Variants in SRD5A2 observed in about 807,000 individuals in gnomAD.
SRD5A2 encodes the protein 3-oxo-5-alpha-steroid 4-dehydrogenase 2.
SRD5A2 carries 30 observed loss-of-function variants against 27.4 expected under a neutral mutation model. The observed-to-expected ratio is 1.10, with a 90% CI of 0.82 to 1.49. The LOEUF is 1.49. Among genes scored for constraint, SRD5A2 ranks in the 40% most tolerant of loss-of-function variants. SRD5A2 has a pLI of 0.00. For missense variants in SRD5A2, 348 were observed against 323.4 expected, an observed-to-expected ratio of 1.08 and a Z score of -0.58; for synonymous variants, 141 against 133.6, an observed-to-expected ratio of 1.06 and a Z score of -0.38.
chr2:31,618,447 G>T, the SRD5A2 span, among the ~76,000 whole-genome samples: 1 of 151,730 alleles, frequency 6.6e-6, no homozygotes, highest in East Asian at 1.9e-4. Flanking sequence ...ACACATGAAC[G>T]GACAAAGAAA....
At chr2:31,590,243 G>A in the SRD5A2 span, among the ~76,000 whole-genome samples, 5 of 141,454 alleles carry the variant, frequency 3.5e-5, no homozygotes, top group Non-Finnish European at 7.5e-5. Flanking sequence ...CTATGGCCCC[G>A]CTCATCACCT....
the SRD5A2 span, among the ~76,000 whole-genome samples, chr2:31,614,316 G>A: frequency 6.6e-5 from 10 of 152,148 alleles, no homozygotes; most frequent in South Asian, 8.3e-4. Context: ...ATATGAGTCC[G>A]AAGTCCAGTG....
chr2:31,634,118 A>G, the SRD5A2 span, among the ~76,000 whole-genome samples: 3 of 151,556 alleles, frequency 2.0e-5, no homozygotes, highest in African/African-American at 4.9e-5. Context: ...CTCCCATTTT[A>G]TGGGAGCTCT....
intron 4 of SRD5A2, chr2:31,526,896 C>T (rs1260150003): frequency 6.6e-6 from 1 of 151,892 alleles, no homozygotes; most frequent in Non-Finnish European, 1.5e-5. Context: ...ATAACTGTGT[C>T]CTAAAAAGAA....
chr2:31,598,049 C>A, the SRD5A2 span, among the ~76,000 whole-genome samples: 3 of 152,050 alleles, frequency 2.0e-5, no homozygotes, highest in African/African-American at 7.2e-5. Flanking sequence ...TGAAACCAAC[C>A]TAAATGCCCA....
At chr2:31,552,555 A>G (rs1168286320) in intron 1 of SRD5A2, among the ~76,000 whole-genome samples, 1 of 152,146 alleles carries the variant, frequency 6.6e-6, no homozygotes, top group Non-Finnish European at 1.5e-5. Flanking sequence ...GAAATTGCAG[A>G]ACCTAGGCAT....
intron 3 of SRD5A2, 36 bp downstream of exon 3, chr2:31,531,335 G>T: frequency 6.9e-7 from 1 of 1,455,656 alleles, no homozygotes; most frequent in Non-Finnish European, 9.4e-7. Context: ...CAGGCTCCAG[G>T]GAAGAGTGAG....
At chr2:31,609,774 A>T in the SRD5A2 span, among the ~76,000 whole-genome samples, 1 of 152,144 alleles carries the variant, frequency 6.6e-6, no homozygotes, top group Non-Finnish European at 1.5e-5. Flanking sequence ...AAACACTACC[A>T]TCAGGAAAGT....
the SRD5A2 span, among the ~76,000 whole-genome samples, chr2:31,589,442 C>G: frequency 1.3e-4 from 20 of 152,266 alleles, no homozygotes; most frequent in Admixed American, 7.8e-4. Context: ...CTCCCAGGTC[C>G]TCCTTCTCCC....
At chr2:31,613,977 G>T in the SRD5A2 span, among the ~76,000 whole-genome samples, 1 of 151,520 alleles carries the variant, frequency 6.6e-6, no homozygotes, top group Non-Finnish European at 1.5e-5. Context: ...TGACATGTGG[G>T]GATGATTACA....
At chr2:31,574,217 G>C (rs1037412666) in intron 1 of SRD5A2, among the ~76,000 whole-genome samples, 2 of 152,136 alleles carry the variant, frequency 1.3e-5, no homozygotes, top group Admixed American at 6.5e-5. Flanking sequence ...ACACAATGAA[G>C]GTTCTTTCCT....
the SRD5A2 span, among the ~76,000 whole-genome samples, chr2:31,614,833 A>G: frequency 6.6e-6 from 1 of 151,950 alleles, no homozygotes; most frequent in Non-Finnish European, 1.5e-5. Context: ...CCTCATCCCA[A>G]TCTTATCTTT....
chr2:31,628,501 G>T, the SRD5A2 span, among the ~76,000 whole-genome samples: 1 of 152,026 alleles, frequency 6.6e-6, no homozygotes, highest in Non-Finnish European at 1.5e-5. Flanking sequence ...GTGTGGATTC[G>T]ATCCTGTCAT....
the SRD5A2 span, among the ~76,000 whole-genome samples, chr2:31,638,115 G>C: frequency 6.6e-6 from 1 of 151,926 alleles, no homozygotes; most frequent in Non-Finnish European, 1.5e-5. Flanking sequence ...CATAGATTTT[G>C]ATATGTTGCA....
chr2:31,624,283 G>T, the SRD5A2 span, among the ~76,000 whole-genome samples: 1 of 151,918 alleles, frequency 6.6e-6, no homozygotes, highest in East Asian at 1.9e-4. Context: ...AATTATTGTT[G>T]ACTACACTCA....
At chr2:31,640,707 T>C in the SRD5A2 span, among the ~76,000 whole-genome samples, 1 of 152,140 alleles carries the variant, frequency 6.6e-6, no homozygotes, top group African/African-American at 2.4e-5. Context: ...ATAGTGCCAC[T>C]GAACAGCCAC....
At chr2:31,637,355 G>A in the SRD5A2 span, among the ~76,000 whole-genome samples, 2 of 151,954 alleles carry the variant, frequency 1.3e-5, no homozygotes, top group Non-Finnish European at 2.9e-5. Flanking sequence ...CTGAGCACTG[G>A]TCATGACCCT....
At chr2:31,543,418 A>G (rs1400931303) in intron 1 of SRD5A2, among the ~76,000 whole-genome samples, 1 of 152,202 alleles carries the variant, frequency 6.6e-6, no homozygotes, top group Non-Finnish European at 1.5e-5. Context: ...TATTATAACA[A>G]TGTTTCTTGA....
the SRD5A2 span, among the ~76,000 whole-genome samples, chr2:31,603,204 T>A: frequency 6.6e-6 from 1 of 151,628 alleles, no homozygotes; most frequent in East Asian, 1.9e-4. Context: ...TACAATGAAC[T>A]TAAGCAAATT....
Sources: gnomAD v4.1 joint callset for allele counts (sites outside exome capture counted in the v4.1 genomes callset) on GRCh38, gnomAD v4.1.1 for gene constraint, MANE v1.5 for transcripts, NCBI Gene and HGNC (gene_info 2026-07-23, HGNC 2026-07-21) for gene names.